Variants in SACS observed in about 807,000 individuals in gnomAD.
The protein encoded by SACS is sacsin molecular chaperone.
Under a neutral mutation model 348.0 loss-of-function variants are expected in SACS, and 197 were observed. The observed-to-expected ratio is 0.57, with a 90% confidence interval of 0.50 to 0.64. The LOEUF (loss-of-function observed/expected upper bound fraction) is 0.64, where lower values mean the gene tolerates loss of function less well. Among genes scored for constraint, SACS ranks in the 30% least tolerant of loss-of-function variants. The probability of loss-of-function intolerance (pLI) is 0.00; values close to 1 mark genes in which losing one functional copy is unlikely to be tolerated. For missense variants in SACS, 4,999 were observed against 5,360.8 expected (o/e 0.93, Z 2.11); for synonymous variants, 1,985 against 1,910.6 (o/e 1.04, Z -1.02).
At chr13:23,407,745 G>A (rs932283025) in intron 2 of SACS, among the ~76,000 whole-genome samples, 3 of 152,228 alleles carry the variant, frequency 2.0e-5, no homozygotes, top group East Asian at 1.9e-4. Flanking sequence ...TTTTTGACAC[G>A]GCATTGTCTT....
chr13:23,365,176 C>T lies in SACS; in HGVS notation c.447G>A (p.Ala149=), dbSNP rs145681117. 39 of 1,606,638 alleles carry T rather than the reference C, an allele frequency of 2.4e-5. No homozygotes were observed. Among genetic ancestry groups the T allele is most frequent in the Admixed American group, 3.4e-5 (2 of 59,562 alleles). The change falls in exon 6 of 10, where the codon GCG becomes GCA. Residue 149 remains alanine, a synonymous_variant. Coordinates refer to ENST00000382292, the MANE Select transcript of SACS (RefSeq NM_014363.6). Reference sequence around the variant, plus strand: ...ATTATTGATTCTTACCCTGATATGGCGCCATATCTTTTGACCAAAGAGTCT... The same window carrying T: ...ATTATTGATTCTTACCCTGATATGGTGCCATATCTTTTGACCAAAGAGTCT... The part of the protein sequence containing the change: ...GTETLWSKDM[A]PYQGPALYVY...
chr13:23,346,946 T>C (rs1869645285), intron 9 of SACS: 1 of 247,684 alleles, frequency 4.0e-6, no homozygotes, highest in South Asian at 1.5e-4. Context: ...GTAGAATCTT[T>C]ACAGATCCTT....
At chr13:23,351,021 C>T (rs1869921299) in intron 9 of SACS, among the ~76,000 whole-genome samples, 2 of 152,144 alleles carry the variant, frequency 1.3e-5, no homozygotes, top group African/African-American at 2.4e-5. Flanking sequence ...ATGCCTGCCA[C>T]AGCTATAATC....
At chr13:23,432,571 A>C (rs1874477480) in intron 1 of SACS, among the ~76,000 whole-genome samples, 1 of 152,222 alleles carries the variant, frequency 6.6e-6, no homozygotes, top group Admixed American at 6.5e-5. Flanking sequence ...CCCTGCATTA[A>C]CGTAGAATGA....
intron 2 of SACS, among the ~76,000 whole-genome samples, chr13:23,381,066 T>C (rs1593164704): frequency 6.6e-6 from 1 of 152,180 alleles, no homozygotes; most frequent in South Asian, 2.1e-4. Flanking sequence ...TCATCCACCA[T>C]CATAAATCAC....
intron 1 of SACS, among the ~76,000 whole-genome samples, chr13:23,414,641 G>A (rs1388658633): frequency 6.6e-6 from 1 of 152,162 alleles, no homozygotes; most frequent in Non-Finnish European, 1.5e-5. Flanking sequence ...AAACAGCATA[G>A]AGCTCTGTGG....
chr13:23,335,016 C>T lies in SACS; in HGVS notation c.8860G>A (p.Asp2954Asn). The change falls in exon 10 of 10, where the codon GAC becomes AAC. Residue 2954 changes from aspartate to asparagine, a missense_variant. Transcript: ENST00000382292. This position sits in a 1 kb window ranked among gnomAD's most constrained non-coding sequence, Gnocchi z 4.7. ...LQNTPIHVVK[D>N]TLKKFLSFFP... Reference sequence around the variant, plus strand: ...AACGATAAAAACTTCTTTAAAGTGTCCTTTACAACATGAATAGGGGTGTTC... The same window carrying T: ...AACGATAAAAACTTCTTTAAAGTGTTCTTTACAACATGAATAGGGGTGTTC... 1 of 1,613,664 alleles carries T rather than the reference C, an allele frequency of 6.2e-7. No individual in the cohort carries two copies. The highest frequency in any genetic ancestry group is 8.5e-7 in the Non-Finnish European group (1 of 1,179,732).
chr13:23,413,458 G>T (rs894987126), intron 1 of SACS, among the ~76,000 whole-genome samples: 1 of 152,170 alleles, frequency 6.6e-6, no homozygotes, highest in African/African-American at 2.4e-5. Context: ...TGCACAGGAA[G>T]GTCAGTTACT....
chr13:23,388,873 A>C (rs1872415353), intron 2 of SACS, among the ~76,000 whole-genome samples: 1 of 152,118 alleles, frequency 6.6e-6, no homozygotes, highest in Non-Finnish European at 1.5e-5. Flanking sequence ...GTATCCCTAA[A>C]ACTATTAAAA....
Position 23,336,419 on chromosome 13 carries a change from G to A in SACS, c.7457C>T (p.Ala2486Val), listed in dbSNP as rs754177494. 6.2e-7 allele frequency: 1 copy of A among 1,614,048 alleles called. No homozygotes were observed. Among genetic ancestry groups the A allele is most frequent in the South Asian group, 1.1e-5 (1 of 91,076 alleles). ...TACTGCTACTTCCCTGGGTATGTCA[G>A]CATGACAATATTTTACAGTGGTATC... ...VKDTTVKYCH[A>V]DIPREVAVKL... is the part of the protein sequence containing the mutation. The change falls in exon 10 of 10, where the codon GCT becomes GTT. Residue 2486 changes from alanine to valine, a missense_variant. Transcript: ENST00000382292.
chr13:23,332,148 G>A lies in SACS; in HGVS notation c.11728C>T (p.Pro3910Ser). The A allele has an allele frequency of 6.2e-7, 1 of 1,613,940 alleles. No individual in the cohort carries two copies. The highest frequency in any genetic ancestry group is 8.5e-7 in the Non-Finnish European group (1 of 1,179,934). Residue 3910 changes from proline to serine, a missense_variant, in exon 10 of 10, where the codon CCA (proline) becomes TCA (serine). Pro to Ser is a moderately conservative substitution (Grantham distance 74, BLOSUM62 -1). Coordinates refer to ENST00000382292, the MANE Select transcript of SACS (RefSeq NM_014363.6). ...TTTACCAATCTACCATCCTGGCTTGGGAGGTAAAGCGCAAGGTCTCGTACA... is the reference window on the plus strand; with the variant it reads ...TTTACCAATCTACCATCCTGGCTTGAGAGGTAAAGCGCAAGGTCTCGTACA... ...ENVRDLALYL[P>S]SQDGRLVKSS...
At chr13:23,415,063 G>A (rs552851446) in intron 1 of SACS, among the ~76,000 whole-genome samples, 1 of 151,692 alleles carries the variant, frequency 6.6e-6, no homozygotes, top group South Asian at 2.1e-4. Context: ...ATGGAGTCTC[G>A]CTCTGTTGCC....
chr13:23,367,330 T>C (rs1483200651), intron 5 of SACS, among the ~76,000 whole-genome samples: 1 of 152,148 alleles, frequency 6.6e-6, no homozygotes, highest in Admixed American at 6.5e-5. Flanking sequence ...CCTCAGTGAG[T>C]GCCTACCTGA....
chr13:23,368,981 G>T (rs182391501), intron 4 of SACS, among the ~76,000 whole-genome samples: 1 of 152,154 alleles, frequency 6.6e-6, no homozygotes, highest in South Asian at 2.1e-4. Flanking sequence ...TTCCAGGCGT[G>T]AGCCACCATG....
rs2137569412 is a variant in SACS at position 23,332,766 on chromosome 13, AG to A, written c.11109del (p.Cys3704AlafsTer11). 1 of 1,613,996 alleles carries A rather than the reference AG, an allele frequency of 6.2e-7. No individual in the cohort carries two copies. The highest frequency in any genetic ancestry group is 8.5e-7 in the Non-Finnish European group (1 of 1,179,934). ...QCDVLQLLWTSCPILPEKATP... is the reference protein window; with the variant it reads ...QCDVLQLLWTXCPILPEKATP... ...GTAGCTTTCTCTGGAAGAATAGGGC[AG>A]GATGTCCATAACAGCTGGAGTACAT... On this transcript the variant is annotated frameshift_variant, in exon 10 of 10. Transcript: ENST00000382292. LOFTEE classifies it high-confidence loss of function.
At chr13:23,374,373 C>A (rs1240909525) in intron 3 of SACS, among the ~76,000 whole-genome samples, 1 of 152,242 alleles carries the variant, frequency 6.6e-6, no homozygotes, top group African/African-American at 2.4e-5. Context: ...CCTGAAATGT[C>A]ATCCTATACG....
intron 1 of SACS, among the ~76,000 whole-genome samples, chr13:23,421,110 C>G (rs959059070): frequency 3.3e-5 from 5 of 151,962 alleles, no homozygotes; most frequent in Admixed American, 2.6e-4. Context: ...GCCTGTTGTT[C>G]CTCTGGGGCC....
At chr13:23,428,724 C>T (rs558484221) in intron 1 of SACS, 4 of 152,218 alleles carry the variant, frequency 2.6e-5, no homozygotes, top group Admixed American at 2.0e-4. Flanking sequence ...ATAAATTATT[C>T]CCCCAGTGCT....
In SACS at chr13:23,355,628, T is replaced by A; in HGVS notation, c.984A>T (p.Lys328Asn). 1.9e-6 allele frequency: 3 copies of A among 1,614,170 alleles called. No individual in the cohort carries two copies. Among genetic ancestry groups the A allele is most frequent in the Non-Finnish European group, 2.5e-6 (3 of 1,180,030 alleles). The part of the protein sequence containing the change: ...LYVREADGTE[K>N]LVFRVTSSES... ...CACTCGAAGTCACTCTAAACACCAGTTTCTCTGTTCCGTCAGCCTCTCGGA... is the reference window on the plus strand; with the variant it reads ...CACTCGAAGTCACTCTAAACACCAGATTCTCTGTTCCGTCAGCCTCTCGGA... Residue 328 changes from lysine to asparagine, a missense_variant, in exon 8 of 10, where the codon AAA (lysine) becomes AAT (asparagine). Physicochemically the swap from Lys to Asn is moderately conservative, Grantham distance 94 (BLOSUM62 0). Around this residue, in one of 6 missense-constraint regions of SACS, gnomAD observed 3,156 missense variants for 3,380.1 expected, o/e 0.93. Transcript: ENST00000382292.
Sources: gnomAD v4.1 joint callset for allele counts (sites outside exome capture counted in the v4.1 genomes callset) on GRCh38, gnomAD v4.1.1 for gene constraint, gnomAD v4.1.1 regional missense constraint, Gnocchi (gnomAD v3.1) non-coding constraint, MANE v1.5 for transcripts, NCBI Gene and HGNC (gene_info 2026-07-23, HGNC 2026-07-21) for gene names.